The following ITSN1 variants were observed in gnomAD, a reference collection of about 807,000 sequenced individuals.
ITSN1 encodes intersectin-1.
In ITSN1, 58 loss-of-function variants were observed where a neutral mutation model predicts 239.8. The ratio of observed to expected loss-of-function variants is 0.24; its 90% confidence interval spans 0.20 to 0.30. The LOEUF (loss-of-function observed/expected upper bound fraction) is 0.30. ITSN1 is among the 10% of genes least tolerant of loss of function. ITSN1 has a pLI of 1.00. For synonymous variants in ITSN1, 780 were observed against 770.8 expected (o/e 1.01, Z -0.20); for missense variants, 1,558 against 2,103.3 (o/e 0.74, Z 5.07).
intron 8 of ITSN1, chr21:33,757,037 A>AT (rs906780892): frequency 6.6e-6 from 1 of 152,396 alleles, no homozygotes; most frequent in Middle Eastern, 3.4e-3. Context: ...AAGTGCTGGG[A>AT]TTACAGGCAT....
At chr21:33,777,761 A>G (rs190408997) in intron 14 of ITSN1, among the ~76,000 whole-genome samples, 1 of 152,088 alleles carries the variant, frequency 6.6e-6, no homozygotes, top group African/African-American at 2.4e-5. Flanking sequence ...TTATTTTTGT[A>G]TATTGACCTT....
chr21:33,827,797 T>A (rs1347514204), intron 26 of ITSN1, among the ~76,000 whole-genome samples: 1 of 152,218 alleles, frequency 6.6e-6, no homozygotes, highest in Non-Finnish European at 1.5e-5. Context: ...TCTAGGTCAT[T>A]TGAACTTTTT....
intron 1 of ITSN1, among the ~76,000 whole-genome samples, chr21:33,703,092 T>A (rs1030873592): frequency 2.6e-5 from 4 of 151,158 alleles, no homozygotes; most frequent in African/African-American, 9.7e-5. Flanking sequence ...TCTGTGTGTG[T>A]GTGTGTGTGT....
chr21:33,824,429 CA>C (rs2073867521), intron 25 of ITSN1, among the ~76,000 whole-genome samples: 1 of 151,746 alleles, frequency 6.6e-6, no homozygotes, highest in Admixed American at 6.5e-5. Flanking sequence ...AAAAAACCAA[CA>C]AGAATTAACT....
At chr21:33,751,775 G>T (rs751400010) in intron 6 of ITSN1, 35 bp from the exon 7 acceptor site, 2 of 1,478,670 alleles carry the variant, frequency 1.4e-6, no homozygotes, top group South Asian at 2.3e-5. Context: ...TCTTATCTTT[G>T]TAGAATTAAA....
intron 16 of ITSN1, among the ~76,000 whole-genome samples, chr21:33,789,555 C>T (rs1303129645): frequency 1.3e-5 from 2 of 152,200 alleles, no homozygotes. Context: ...TTTCCATTAA[C>T]TGCTGGTCTC....
At chr21:33,682,515 C>T (rs1301525788) in intron 1 of ITSN1, among the ~76,000 whole-genome samples, 2 of 151,772 alleles carry the variant, frequency 1.3e-5, no homozygotes, top group Admixed American at 6.6e-5. Context: ...TAGTGCCCAG[C>T]CTCTTTCTTT....
At chr21:33,648,888 AGAAG>A (rs2088235400) in intron 1 of ITSN1, among the ~76,000 whole-genome samples, 1 of 152,038 alleles carries the variant, frequency 6.6e-6, no homozygotes, top group African/African-American at 2.4e-5. Context: ...AAAGAGAAAG[AGAAG>A]GAAGGAGAAA....
chr21:33,834,391 A>G lies in ITSN1; in HGVS notation c.3436A>G (p.Thr1146Ala), dbSNP rs761313234. ...LSPGTSKITP[T>A]EPPKSTALAA... ...CCCTGGGACGAGCAAAATCACTCCA[A>G]CAGAGCCACCTAAGTCAACAGCATT... Residue 1146 changes from threonine to alanine, a missense_variant, in exon 28 of 40, where the codon ACA becomes GCA. By Grantham distance (58) the Thr-to-Ala change is moderately conservative. This residue lies in a region of ITSN1 where 576 missense variants were observed against 893.3 expected (regional missense o/e 0.64). Coordinates refer to ENST00000381318, the MANE Select transcript of ITSN1 (RefSeq NM_003024.3). 3.1e-6 allele frequency: 5 copies of G among 1,613,520 alleles called. No homozygotes were observed. Among genetic ancestry groups the G allele is most frequent in the Non-Finnish European group, 3.4e-6 (4 of 1,179,616 alleles).
At chr21:33,753,686 C>T (rs2147518577) in intron 7 of ITSN1, among the ~76,000 whole-genome samples, 1 of 144,882 alleles carries the variant, frequency 6.9e-6, no homozygotes, top group Non-Finnish European at 1.5e-5. Flanking sequence ...TGCTTGAATC[C>T]AGGAGGTGGA....
chr21:33,874,787 G>T (rs968395881), intron 33 of ITSN1, among the ~76,000 whole-genome samples: 3 of 151,618 alleles, frequency 2.0e-5, no homozygotes, highest in Admixed American at 6.6e-5. Context: ...TAGCTGGGAC[G>T]ACAGGCATGC....
At chr21:33,817,424 C>T (rs1253731906) in intron 22 of ITSN1, 2 of 1,304,302 alleles carry the variant, frequency 1.5e-6, no homozygotes, top group African/African-American at 3.0e-5. Flanking sequence ...TCAGATGCTG[C>T]CCCCTCTGTG....
chr21:33,815,539 G>C (rs1241530058), intron 22 of ITSN1, among the ~76,000 whole-genome samples: 1 of 152,034 alleles, frequency 6.6e-6, no homozygotes, highest in African/African-American at 2.4e-5. Context: ...ACACTGCAGG[G>C]GCGTAAAAGG....
chr21:33,651,982 A>C (rs2088578017), intron 1 of ITSN1, among the ~76,000 whole-genome samples: 4 of 152,234 alleles, frequency 2.6e-5, no homozygotes, highest in Non-Finnish European at 5.9e-5. Flanking sequence ...GTTTTTTCCT[A>C]CTACAAAAGG....
At chr21:33,667,102 G>C (rs1025039805) in intron 1 of ITSN1, among the ~76,000 whole-genome samples, 1 of 150,334 alleles carries the variant, frequency 6.7e-6, no homozygotes, top group African/African-American at 2.4e-5. Flanking sequence ...TACAGAATTT[G>C]TAAGCATAAG....
intron 34 of ITSN1, 35 bp downstream of exon 34, chr21:33,875,556 C>G: frequency 6.3e-7 from 1 of 1,597,932 alleles, no homozygotes; most frequent in Non-Finnish European, 8.5e-7. Flanking sequence ...TGGTCTCCCC[C>G]GGCAGAGCCT....
At chr21:33,857,060 C>T (rs1243724023) in intron 30 of ITSN1, among the ~76,000 whole-genome samples, 1 of 152,136 alleles carries the variant, frequency 6.6e-6, no homozygotes, top group Non-Finnish European at 1.5e-5. Flanking sequence ...TGAGTCATTC[C>T]CACAGAGGGA....
intron 29 of ITSN1, among the ~76,000 whole-genome samples, chr21:33,845,022 C>T (rs1456496130): frequency 6.6e-6 from 1 of 152,090 alleles, no homozygotes; most frequent in African/African-American, 2.4e-5. Flanking sequence ...CTCCCGCTGC[C>T]CACTGAGAGT....
chr21:33,888,184 G>A lies in ITSN1; in HGVS notation c.5050G>A (p.Asp1684Asn). The stretch of plus-strand genomic sequence containing the variant: ...GGGTCGGACGGAGATCCGTGTGGCG[G>A]ACATCAAGAAAGACCAGGGCTCCAA... ...FLGRTEIRVA[D>N]IKKDQGSKGP... Residue 1684 changes from aspartate (D) to asparagine (N), a missense_variant, in exon 40 of 40, where the codon GAC (aspartate) becomes AAC (asparagine). By Grantham distance (23) the Asp-to-Asn change is conservative. This residue lies in a region of ITSN1 where 576 missense variants were observed against 893.3 expected (regional missense o/e 0.64). Coordinates refer to ENST00000381318, the MANE Select transcript of ITSN1 (RefSeq NM_003024.3). The A allele has an allele frequency of 6.2e-7, 1 of 1,614,122 alleles. No individual in the cohort carries two copies. Among genetic ancestry groups the A allele is most frequent in the Non-Finnish European group, 8.5e-7 (1 of 1,180,002 alleles).
Sources: gnomAD v4.1 joint callset for allele counts (sites outside exome capture counted in the v4.1 genomes callset) on GRCh38, gnomAD v4.1.1 for gene constraint, gnomAD v4.1.1 regional missense constraint, MANE v1.5 for transcripts, NCBI Gene and HGNC (gene_info 2026-07-23, HGNC 2026-07-21) for gene names.